Variants in MGAM observed in about 807,000 individuals in gnomAD.
The protein encoded by MGAM is maltase-glucoamylase.
In MGAM, 253 loss-of-function variants were observed where a neutral mutation model predicts 358.8. The observed-to-expected ratio is 0.71, with a 90% CI of 0.64 to 0.78. The LOEUF is 0.78. MGAM is among the 30% of genes least tolerant of loss of function. MGAM has a pLI of 0.00. For synonymous variants in MGAM, 1,105 were observed against 1,227.1 expected, an observed-to-expected ratio of 0.90 and a Z score of 2.08; for missense variants, 3,080 against 3,432.6, an observed-to-expected ratio of 0.90 and a Z score of 2.57.
intron 41 of MGAM, 95 bp downstream of exon 41, chr7:142,066,816 A>G: frequency 2.2e-6 from 3 of 1,377,128 alleles, no homozygotes; most frequent in Non-Finnish European, 3.0e-6. Context: ...AATTAAAGAC[A>G]TGATGGCCTT....
intron 65 of MGAM, among the ~76,000 whole-genome samples, chr7:142,097,371 G>A (rs573833925): frequency 1.3e-5 from 2 of 151,838 alleles, no homozygotes; most frequent in South Asian, 4.2e-4. Flanking sequence ...GAAGTCCTGG[G>A]TACCAAAGTG....
chr7:142,004,021 T>C (rs1270376073), intron 1 of MGAM, among the ~76,000 whole-genome samples: 1 of 151,984 alleles, frequency 6.6e-6, no homozygotes, highest in African/African-American at 2.4e-5. Flanking sequence ...GAATGGCTAT[T>C]ATTGAAAAGT....
Position 142,038,541 on chromosome 7 carries a change from G to C in MGAM, c.2242G>C (p.Asp748His), listed in dbSNP as rs1359680000. ...CTCTCTGGTTTTCAGGTTCTACGAG[G>C]ACAACAGCACTTGGGATGTGCACCA... is the stretch of plus-strand genomic sequence containing the variant. ...ARPLLHEFYE[D>H]NSTWDVHQQF... Residue 748 changes from aspartate (D) to histidine (H), a missense_variant, in exon 19 of 71, where the codon GAC becomes CAC. Asp to His is a moderately conservative substitution (Grantham distance 81). Around this residue, in one of 5 missense-constraint regions of MGAM, gnomAD observed 1,816 missense variants for 1,840.5 expected, o/e 0.99. Coordinates refer to ENST00000475668, the MANE Select transcript of MGAM (RefSeq NM_001365693.1). 1 of 1,609,506 alleles carries C rather than the reference G, an allele frequency of 6.2e-7. No homozygotes were observed. The highest frequency in any genetic ancestry group is 2.2e-5 in the East Asian group (1 of 44,596).
At chr7:142,064,173 C>T (rs1812495272) in intron 36 of MGAM, among the ~76,000 whole-genome samples, 1 of 152,224 alleles carries the variant, frequency 6.6e-6, no homozygotes, top group Non-Finnish European at 1.5e-5. Flanking sequence ...CCTGACACCT[C>T]TGCTTCCTTC....
At chr7:142,067,573 C>T (rs1812872421) in intron 42 of MGAM, 148 bp downstream of exon 42, 3 of 549,076 alleles carry the variant, frequency 5.5e-6, no homozygotes, top group Non-Finnish European at 9.7e-6. Context: ...AGCTGAAGTC[C>T]ATCACTTAGG....
chr7:142,027,347 A>G, intron 9 of MGAM, 120 bp downstream of exon 9: 4 of 854,780 alleles, frequency 4.7e-6, no homozygotes, highest in Non-Finnish European at 7.4e-6. Context: ...TGAGATATTA[A>G]AGAACAGATT....
intron 21 of MGAM, among the ~76,000 whole-genome samples, chr7:142,045,949 T>C (rs1174239373): frequency 1.7e-5 from 2 of 116,820 alleles, no homozygotes; most frequent in African/African-American, 6.3e-5. Context: ...ATGTAATATA[T>C]ATTATGTATA....
chr7:142,071,265 A>T, intron 44 of MGAM, 147 bp downstream of exon 44: 1 of 1,086,948 alleles, frequency 9.2e-7, no homozygotes, highest in Admixed American at 2.9e-5. Flanking sequence ...TTTGTGTGTT[A>T]ATCTTTTTCA....
intron 3 of MGAM, among the ~76,000 whole-genome samples, chr7:142,017,554 A>C (rs1806062493): frequency 6.6e-6 from 1 of 152,082 alleles, no homozygotes; most frequent in Admixed American, 6.6e-5. Context: ...TAATGGAAAA[A>C]TTATTAAACT....
At chr7:142,062,914 C>T (rs1257303277) in intron 35 of MGAM, among the ~76,000 whole-genome samples, 3 of 152,110 alleles carry the variant, frequency 2.0e-5, no homozygotes, top group African/African-American at 2.4e-5. Context: ...ACCTGTGAGG[C>T]GGGACCAGGC....
At chr7:142,103,490 T>A in intron 70 of MGAM, 51 bp downstream of exon 70, 1 of 1,478,804 alleles carries the variant, frequency 6.8e-7, no homozygotes, top group Non-Finnish European at 9.0e-7. Context: ...TTAATATGCC[T>A]AGTGCAGTGC....
intron 63 of MGAM, 108 bp downstream of exon 63, chr7:142,094,971 T>C: frequency 8.3e-7 from 1 of 1,200,460 alleles, no homozygotes; most frequent in Non-Finnish European, 1.2e-6. Context: ...AAATTTTTTT[T>C]TTTTTTCTTT....
chr7:142,059,533 A>G lies in MGAM; in HGVS notation c.3881A>G (p.Lys1294Arg), dbSNP rs575918064. 1.2e-6 allele frequency: 2 copies of G among 1,613,106 alleles called. No homozygotes were observed. The highest frequency in any genetic ancestry group is 2.2e-5 in the East Asian group (1 of 44,860). The change falls in exon 32 of 71, where the codon AAG becomes AGG. Residue 1294 changes from lysine (K) to arginine (R), a missense_variant. Physicochemically the swap from Lys to Arg is conservative, Grantham distance 26. Coordinates refer to ENST00000475668, the MANE Select transcript of MGAM (RefSeq NM_001365693.1). ...ERQLDFTLSP[K>R]FAGFPALINR... is the part of the protein sequence containing the mutation. ...CAGCTGGACTTCACCCTCAGCCCCA[A>G]GTTTGCTGGGTTTCCAGCTCTGATC...
intron 14 of MGAM, among the ~76,000 whole-genome samples, chr7:142,033,766 C>G (rs782199627): frequency 3.3e-5 from 5 of 152,020 alleles, no homozygotes; most frequent in African/African-American, 1.2e-4. Flanking sequence ...TAAGACATGA[C>G]GAAGCTACTG....
intron 21 of MGAM, among the ~76,000 whole-genome samples, 198 bp from the exon 22 acceptor site, chr7:142,047,587 T>TG (rs1387773825): frequency 6.6e-6 from 1 of 152,182 alleles, no homozygotes; most frequent in Non-Finnish European, 1.5e-5. Flanking sequence ...TGTTAATGTT[T>TG]GGGGTATTTC....
intron 47 of MGAM, among the ~76,000 whole-genome samples, chr7:142,077,196 T>G (rs1813820159): frequency 6.9e-6 from 1 of 145,498 alleles, no homozygotes; most frequent in Admixed American, 7.0e-5. Flanking sequence ...CAAATAAGAA[T>G]TGGTATTTGA....
At chr7:142,026,086 T>G (rs1806938316) in intron 8 of MGAM, among the ~76,000 whole-genome samples, 1 of 152,198 alleles carries the variant, frequency 6.6e-6, no homozygotes, top group Non-Finnish European at 1.5e-5. Flanking sequence ...AAAGAGTACA[T>G]TGCAATATTT....
rs372519888 is a variant in MGAM, at chr7:142,102,631, T to C, written c.7965T>C (p.Asp2655=). ...WLFWDDGQSI[D]TYGKGLYYLA... ...GTTTATCTTGTTTTTTGTTTGCAGA[T>C]ACCTATGGGAAAGGACTCTATTACT... The change falls in exon 69 of 71, where the codon GAT becomes GAC. Residue 2655 remains aspartate (D), a splice_region_variant and synonymous_variant. Transcript: ENST00000475668. The C allele has an allele frequency of 1.1e-4, 179 of 1,613,272 alleles. No individual in the cohort carries two copies. Among genetic ancestry groups the C allele is most frequent in the South Asian group, 9.8e-4 (89 of 90,844 alleles).
Position 142,008,671 on chromosome 7 carries a change from G to T in MGAM, c.293G>T (p.Arg98Leu). The T allele has an allele frequency of 6.2e-7, 1 of 1,613,362 alleles. No homozygotes were observed. Among genetic ancestry groups the T allele is most frequent in the Non-Finnish European group, 8.5e-7 (1 of 1,179,576 alleles). Residue 98 changes from arginine to leucine, a missense_variant, in exon 3 of 71, where the codon CGA becomes CTA. This residue lies in a region of MGAM where 1,816 missense variants were observed against 1,840.5 expected (regional missense o/e 0.99). Transcript: ENST00000475668. ...TGTCCAGTGGTAAATGAATTGGAACGAATTAATTGCATCCCTGACCAGCCG... is the reference window on the plus strand; with the variant it reads ...TGTCCAGTGGTAAATGAATTGGAACTAATTAATTGCATCCCTGACCAGCCG... The part of the protein sequence containing the change: ...AECPVVNELE[R>L]INCIPDQPPT...
Sources: gnomAD v4.1 joint callset for allele counts (sites outside exome capture counted in the v4.1 genomes callset) on GRCh38, gnomAD v4.1.1 for gene constraint, gnomAD v4.1.1 regional missense constraint, MANE v1.5 for transcripts, NCBI Gene and HGNC (gene_info 2026-07-23, HGNC 2026-07-21) for gene names.